Variants in GAPDHS observed in about 807,000 individuals in gnomAD.
GAPDHS encodes glyceraldehyde-3-phosphate dehydrogenase, spermatogenic.
GAPDHS carries 42 observed loss-of-function variants against 48.7 expected under a neutral mutation model. The observed-to-expected ratio is 0.86, with a 90% CI of 0.67 to 1.12. The LOEUF (loss-of-function observed/expected upper bound fraction) is 1.12. Ranked by LOEUF, GAPDHS falls within the 50% of genes most tolerant of loss-of-function variation. The pLI, the probability that GAPDHS is intolerant of heterozygous loss-of-function variation, is 0.00. For missense variants in GAPDHS, 512 were observed against 557.7 expected, an observed-to-expected ratio of 0.92 and a Z score of 0.82; for synonymous variants, 166 against 219.1, an observed-to-expected ratio of 0.76 and a Z score of 2.14.
intron 4 of GAPDHS, 121 bp downstream of exon 4, chr19:35,538,804 T>G (rs1315614779): frequency 1.4e-6 from 1 of 694,852 alleles, no homozygotes; most frequent in African/African-American, 1.7e-5. Flanking sequence ...AAATTGCGTG[T>G]GCATGCCTCT....
chr19:35,536,195 C>T (rs983683825), intron 1 of GAPDHS, among the ~76,000 whole-genome samples: 2 of 152,172 alleles, frequency 1.3e-5, no homozygotes, highest in Non-Finnish European at 1.5e-5. Context: ...TTAATCCTCA[C>T]AACAACCCTC....
chr19:35,533,582 C>A lies in GAPDHS; in HGVS notation c.55C>A (p.Gln19Lys). The change falls in exon 1 of 11, where the codon CAG (glutamine) becomes AAG (lysine). Residue 19 changes from glutamine (Q) to lysine (K), a missense_variant. Physicochemically the swap from Gln to Lys is moderately conservative, Grantham distance 53 (BLOSUM62 1). Transcript: ENST00000222286. ...TGTCACCGTTGTCCAGTTGCTGCGA[C>A]AGCCGTGCCCGGGTGAGGGAGGCAG... ...TNVTVVQLLR[Q>K]PCPVTRAPPP... 1 of 1,612,062 alleles carries A rather than the reference C, an allele frequency of 6.2e-7. No individual in the cohort carries two copies. The highest frequency in any genetic ancestry group is 8.5e-7 in the Non-Finnish European group (1 of 1,179,364).
intron 7 of GAPDHS, 33 bp from the exon 8 acceptor site, chr19:35,543,307 G>C: frequency 6.2e-7 from 1 of 1,603,750 alleles, no homozygotes; most frequent in South Asian, 1.1e-5. Context: ...TTAGGAGCAT[G>C]AAGGCCTCAT....
chr19:35,543,025 T>G lies in GAPDHS; in HGVS notation c.740T>G (p.Met247Arg). ...HERFGIVEGL[M>R]TTVHSYTATQ... Reference sequence around the variant, plus strand: ...CGATTTGGGATCGTGGAAGGGTTGATGGTGAGTTGAGGATGAGGGGCTGGG... The same window carrying G: ...CGATTTGGGATCGTGGAAGGGTTGAGGGTGAGTTGAGGATGAGGGGCTGGG... The change falls in exon 7 of 11, where the codon ATG becomes AGG. Residue 247 changes from methionine to arginine, a missense_variant and splice_region_variant. By Grantham distance (91) the Met-to-Arg change is moderately conservative. Coordinates refer to ENST00000222286, the MANE Select transcript of GAPDHS (RefSeq NM_014364.5). 12 of 1,610,006 alleles carry G rather than the reference T, an allele frequency of 7.5e-6. No homozygotes were observed. The highest frequency in any genetic ancestry group is 1.0e-5 in the Non-Finnish European group (12 of 1,176,302).
chr19:35,542,596 T>G lies in GAPDHS; in HGVS notation c.647T>G (p.Met216Arg). The change falls in exon 6 of 11, where the codon ATG becomes AGG. Residue 216 changes from methionine (M) to arginine (R), a missense_variant. By Grantham distance (91) the Met-to-Arg change is moderately conservative. Coordinates refer to ENST00000222286, the MANE Select transcript of GAPDHS (RefSeq NM_014364.5). ...GAAAATGACTATAACCCTGGCTCCATGAACATTGTGAGGTAATGTGGGCAG... is the reference window on the plus strand; with the variant it reads ...GAAAATGACTATAACCCTGGCTCCAGGAACATTGTGAGGTAATGTGGGCAG... ...VNENDYNPGS[M>R]NIVSNASCTT... is the part of the protein sequence containing the mutation. The G allele has an allele frequency of 1.2e-6, 2 of 1,606,274 alleles. No homozygotes were observed. The highest frequency in any genetic ancestry group is 1.1e-5 in the South Asian group (1 of 90,906).
chr19:35,544,480 C>T (rs1033266514), intron 9 of GAPDHS: 1 of 186,534 alleles, frequency 5.4e-6, no homozygotes, highest in Non-Finnish European at 1.1e-5. Context: ...ACTCCTGTGG[C>T]CTTTCATGAC....
At chr19:35,543,148 G>A (rs762929652) in intron 7 of GAPDHS, 122 bp downstream of exon 7, 2 of 967,642 alleles carry the variant, frequency 2.1e-6, no homozygotes, top group Non-Finnish European at 3.3e-6. Context: ...AGGCCCACCA[G>A]TGCAGAAGTC....
At position 35,543,795 on chromosome 19, in the gene GAPDHS, A is replaced by G. The variant is rs1289768534; in HGVS notation, c.1024A>G (p.Met342Val). The change falls in exon 9 of 11, where the codon ATG (methionine) becomes GTG (valine). Residue 342 changes from methionine to valine, a missense_variant. Coordinates refer to ENST00000222286, the MANE Select transcript of GAPDHS (RefSeq NM_014364.5). ...EAVKAAAKGPMAGILAYTEDE... is the reference protein window; with the variant it reads ...EAVKAAAKGPVAGILAYTEDE... The stretch of plus-strand genomic sequence containing the variant: ...TGTAAAAGCAGCAGCCAAGGGGCCC[A>G]TGGCTGGCATCCTTGCCTACACCGA... The G allele has an allele frequency of 5.0e-6, 8 of 1,613,408 alleles. No individual in the cohort carries two copies. Among genetic ancestry groups the G allele is most frequent in the Middle Eastern group, 1.7e-4 (1 of 6,058 alleles).
chr19:35,542,670 C>A, intron 6 of GAPDHS, 62 bp downstream of exon 6: 2 of 1,099,480 alleles, frequency 1.8e-6, no homozygotes, highest in Non-Finnish European at 2.8e-6. Context: ...CCTCCCCACC[C>A]TCAGCCCCAC....
At chr19:35,534,599 G>T (rs909889082) in intron 1 of GAPDHS, among the ~76,000 whole-genome samples, 1 of 152,116 alleles carries the variant, frequency 6.6e-6, no homozygotes, top group Non-Finnish European at 1.5e-5. Context: ...AGTGCTGGGA[G>T]AGGAGGACCA....
chr19:35,538,405 T>A lies in GAPDHS; in HGVS notation c.342+2T>A. The A allele has an allele frequency of 6.7e-7, 1 of 1,498,072 alleles. No homozygotes were observed. The highest frequency in any genetic ancestry group is 1.1e-5 in the South Asian group (1 of 88,584). 92.8% of individuals were successfully genotyped at this position (1,498,072 alleles called of 1,614,324 possible). A position where few individuals can be genotyped will look rare whatever the true frequency, so the allele number is the denominator to read the frequency against. ...CCATTCATTGACCCGGAATACATGGTCAGTAGCTGGCAGAGGGCAGGAACA... is the reference window on the plus strand; with the variant it reads ...CCATTCATTGACCCGGAATACATGGACAGTAGCTGGCAGAGGGCAGGAACA... On this transcript the variant is annotated splice_donor_variant, in intron 3 of 10. Transcript: ENST00000222286. LOFTEE classifies it high-confidence loss of function.
intron 1 of GAPDHS, among the ~76,000 whole-genome samples, chr19:35,536,226 C>A (rs2071465153): frequency 6.6e-6 from 1 of 152,140 alleles, no homozygotes; most frequent in African/African-American, 2.4e-5. Flanking sequence ...ACTATTATCT[C>A]CCCTTACAGA....
intron 9 of GAPDHS, chr19:35,544,705 G>A (rs1464258516): frequency 1.7e-6 from 1 of 599,800 alleles, no homozygotes; most frequent in Non-Finnish European, 3.0e-6. Flanking sequence ...TGTGACCTGT[G>A]CCCTTTGGCC....
Position 35,543,000 on chromosome 19 carries a change from C to G in GAPDHS, c.715C>G (p.Arg239Gly). The G allele has an allele frequency of 6.2e-7, 1 of 1,613,720 alleles. No homozygotes were observed. Reference sequence around the variant, plus strand: ...TCCCCTCGCCAAAGTCATCCACGAGCGATTTGGGATCGTGGAAGGGTTGAT... The same window carrying G: ...TCCCCTCGCCAAAGTCATCCACGAGGGATTTGGGATCGTGGAAGGGTTGAT... The part of the protein sequence containing the change: ...LAPLAKVIHE[R>G]FGIVEGLMTT... Residue 239 changes from arginine (R) to glycine (G), a missense_variant, in exon 7 of 11, where the codon CGA becomes GGA. Transcript: ENST00000222286.
intron 9 of GAPDHS, 156 bp downstream of exon 9, chr19:35,543,983 A>G: frequency 7.4e-7 from 1 of 1,348,690 alleles, no homozygotes; most frequent in Admixed American, 3.1e-5. Context: ...CTGTTCCTTT[A>G]GTCTGGAATG....
intron 1 of GAPDHS, among the ~76,000 whole-genome samples, chr19:35,534,421 TC>T (rs1270400259): frequency 6.6e-6 from 1 of 152,196 alleles, no homozygotes; most frequent in African/African-American, 2.4e-5. Flanking sequence ...CTCCGTGGCC[TC>T]AGGCTTCATT....
intron 9 of GAPDHS, chr19:35,544,122 A>C: frequency 2.9e-6 from 1 of 343,884 alleles, no homozygotes; most frequent in Non-Finnish European, 5.3e-6. Context: ...CTGAAATTTC[A>C]TTTCATAGTC....
intron 8 of GAPDHS, 24 bp from the exon 9 acceptor site, chr19:35,543,641 T>C: frequency 6.2e-7 from 1 of 1,611,002 alleles, no homozygotes; most frequent in East Asian, 2.2e-5. Flanking sequence ...TTCTGACTCC[T>C]GTTCCTCATG....
rs1448092846 is a variant in GAPDHS at position 35,543,347 on chromosome 19, T to C, written c.749T>C (p.Val250Ala). ...GTCCTTCTCTTCCCCAAGACCACAG[T>C]CCATTCCTACACGGCCACCCAGAAG... ...FGIVEGLMTT[V>A]HSYTATQKTV... Residue 250 changes from valine to alanine, a missense_variant, in exon 8 of 11, where the codon GTC becomes GCC. Transcript: ENST00000222286. The C allele has an allele frequency of 1.2e-6, 2 of 1,611,988 alleles. No homozygotes were observed. The highest frequency in any genetic ancestry group is 1.7e-6 in the Non-Finnish European group (2 of 1,179,462).
Sources: gnomAD v4.1 joint callset for allele counts (sites outside exome capture counted in the v4.1 genomes callset) on GRCh38, gnomAD v4.1.1 for gene constraint, MANE v1.5 for transcripts, NCBI Gene and HGNC (gene_info 2026-07-23, HGNC 2026-07-21) for gene names.